Variants in DOCK8 observed in about 807,000 individuals in gnomAD.
The protein encoded by DOCK8 is dedicator of cytokinesis 8, also known as dedicator of cytokinesis protein 8.
In DOCK8, 141 loss-of-function variants were observed where a neutral mutation model predicts 245.6. The ratio of observed to expected loss-of-function variants is 0.57; its 90% CI spans 0.50 to 0.66. The LOEUF is 0.66. DOCK8 is among the 30% of genes least tolerant of loss of function. The pLI, the probability that DOCK8 is intolerant of heterozygous loss-of-function variation, is 0.00. For synonymous variants in DOCK8, 1,168 were observed against 970.2 expected (o/e 1.20, Z -3.79); for missense variants, 2,965 against 2,603.4 (o/e 1.14, Z -3.02).
intron 1 of DOCK8, among the ~76,000 whole-genome samples, chr9:257,464 C>T (rs2047805527): frequency 1.3e-5 from 2 of 152,110 alleles, no homozygotes; most frequent in South Asian, 4.1e-4. Flanking sequence ...CAAATGTAAG[C>T]CTGCAACAGA....
intron 14 of DOCK8, among the ~76,000 whole-genome samples, chr9:355,463 A>G (rs551418443): frequency 6.6e-6 from 1 of 151,988 alleles, no homozygotes; most frequent in African/African-American, 2.4e-5. Flanking sequence ...TGGCCTCCCA[A>G]AGTGCTGGGA....
At chr9:328,336 C>G (rs528937438) in intron 9 of DOCK8, among the ~76,000 whole-genome samples, 165 bp downstream of exon 9, 4 of 152,306 alleles carry the variant, frequency 2.6e-5, no homozygotes, top group African/African-American at 7.2e-5. Flanking sequence ...TAAACTGTTT[C>G]AGATACTAGA....
intron 24 of DOCK8, among the ~76,000 whole-genome samples, chr9:391,287 G>A (rs1479550008): frequency 6.6e-6 from 1 of 152,108 alleles, no homozygotes; most frequent in Non-Finnish European, 1.5e-5. Context: ...CTCCTTCTGA[G>A]CACCCTATTT....
In DOCK8 at chr9:371,504, T is replaced by G; in HGVS notation, c.1945T>G (p.Phe649Val). The change falls in exon 17 of 48, where the codon TTC (phenylalanine) becomes GTC (valine). Residue 649 changes from phenylalanine (F) to valine (V), a missense_variant. By Grantham distance (50) the Phe-to-Val change is conservative. Transcript: ENST00000432829. ...AGTAAATCACCACCTCCTGTTCACC[T>G]TCTACCATATCAGCTGTCAGCAGAA... ...LTVNHHLLFT[F>V]YHISCQQKQG... is the part of the protein sequence containing the mutation. 6.2e-7 allele frequency: 1 copy of G among 1,614,232 alleles called. No homozygotes were observed. The highest frequency in any genetic ancestry group is 8.5e-7 in the Non-Finnish European group (1 of 1,180,036).
rs143737499 is a variant in DOCK8 at position 338,474 on chromosome 9, A to G, written c.1423-532A>G. Among the ~76,000 whole-genome samples, 70 of 152,294 alleles carry G rather than the reference A, an allele frequency of 4.6e-4. 2 individuals are homozygous for G. Among genetic ancestry groups the G allele is most frequent in the South Asian group, 2.1e-4 (1 of 4,822 alleles). On this transcript the variant is annotated intron_variant, in intron 12 of 47. Coordinates refer to ENST00000432829, the MANE Select transcript of DOCK8 (RefSeq NM_203447.4). ...TGGATGGTCTCACTGGGAATAAGAC[A>G]TATCTACCCACTTACCTTACTGGGT...
At chr9:355,957 A>G (rs1403503017) in intron 14 of DOCK8, among the ~76,000 whole-genome samples, 1 of 152,172 alleles carries the variant, frequency 6.6e-6, no homozygotes, top group Non-Finnish European at 1.5e-5. Context: ...CCCCATTTAG[A>G]AAAAAATACA....
At chr9:402,081 C>A (rs2055137639) in intron 26 of DOCK8, among the ~76,000 whole-genome samples, 1 of 152,234 alleles carries the variant, frequency 6.6e-6, no homozygotes, top group Non-Finnish European at 1.5e-5. Flanking sequence ...TACCCTAGAT[C>A]ACCACTGCAG....
chr9:288,976 A>T (rs2048933512), intron 3 of DOCK8, among the ~76,000 whole-genome samples: 1 of 152,214 alleles, frequency 6.6e-6, no homozygotes. Flanking sequence ...CTTGAAGAGT[A>T]TTGCTCATGG....
At chr9:333,140 C>G (rs751953762) in intron 10 of DOCK8, among the ~76,000 whole-genome samples, 11 of 152,166 alleles carry the variant, frequency 7.2e-5, no homozygotes, top group Non-Finnish European at 1.2e-4. Context: ...GCTCTCCTGG[C>G]CTTCCTCAAC....
chr9:454,542 A>C (rs959830209), intron 46 of DOCK8: 1 of 152,040 alleles, frequency 6.6e-6, no homozygotes, highest in Non-Finnish European at 1.5e-5. Flanking sequence ...AGACTCTGTC[A>C]GGAATGCCTG....
intron 1 of DOCK8, among the ~76,000 whole-genome samples, chr9:247,277 A>C (rs1009772154): frequency 6.6e-6 from 1 of 152,190 alleles, no homozygotes; most frequent in Non-Finnish European, 1.5e-5. Context: ...TTTAAAGTCA[A>C]TTGGGGAATC....
chr9:301,376 C>CA (rs1445282664), intron 4 of DOCK8, among the ~76,000 whole-genome samples: 1 of 152,178 alleles, frequency 6.6e-6, no homozygotes, highest in Non-Finnish European at 1.5e-5. Flanking sequence ...TTCAACTATC[C>CA]ACAGCCAACA....
intron 1 of DOCK8, among the ~76,000 whole-genome samples, chr9:261,654 C>G (rs2047920650): frequency 6.6e-6 from 1 of 152,058 alleles, no homozygotes; most frequent in South Asian, 2.1e-4. Flanking sequence ...CTGTGTATCT[C>G]TGGGTTTTTT....
At chr9:396,115 T>C (rs1388674553) in intron 24 of DOCK8, among the ~76,000 whole-genome samples, 2 of 152,186 alleles carry the variant, frequency 1.3e-5, no homozygotes, top group African/African-American at 4.8e-5. Context: ...ATTAGACTTA[T>C]GGAACTCAAA....
intron 28 of DOCK8, among the ~76,000 whole-genome samples, chr9:412,474 T>C (rs895535368): frequency 6.6e-6 from 1 of 150,440 alleles, no homozygotes; most frequent in African/African-American, 2.4e-5. Flanking sequence ...AGTAAAACTA[T>C]CTCTATTCAT....
chr9:215,068 A>C (rs1297585770), intron 1 of DOCK8, 39 bp downstream of exon 1: 1 of 1,545,160 alleles, frequency 6.5e-7, no homozygotes, highest in South Asian at 1.2e-5. Flanking sequence ...GCGGCCGGAC[A>C]GCCCAGCGCT....
At chr9:213,298 G>A (rs546305658), upstream of DOCK8, 10 of 152,232 alleles carry the variant, frequency 6.6e-5, no homozygotes, top group African/African-American at 2.4e-4. Flanking sequence ...CAGGAAGGAA[G>A]GCTGTATCAG....
chr9:318,107 C>T (rs1170937659), intron 7 of DOCK8, among the ~76,000 whole-genome samples: 1 of 152,146 alleles, frequency 6.6e-6, no homozygotes, highest in Non-Finnish European at 1.5e-5. Context: ...GTATTTTCTT[C>T]TTCCACTGCA....
intron 2 of DOCK8, among the ~76,000 whole-genome samples, chr9:277,465 A>AGGGGAGGGGAGGGGAGGG (rs2048395519): frequency 3.1e-5 from 2 of 64,662 alleles, no homozygotes; most frequent in African/African-American, 9.0e-5. Flanking sequence ...AAGAGAGAAG[A>AGGGGAGGGGAGGGGAGGG]GAAGAGAAGA....
Sources: gnomAD v4.1 joint callset for allele counts (sites outside exome capture counted in the v4.1 genomes callset) on GRCh38, gnomAD v4.1.1 for gene constraint, MANE v1.5 for transcripts, NCBI Gene and HGNC (gene_info 2026-07-23, HGNC 2026-07-21) for gene names.